The following SNX13 variants were observed in gnomAD, a reference collection of about 807,000 sequenced individuals.
SNX13 encodes the protein sorting nexin-13.
SNX13 carries 45 observed loss-of-function variants against 133.6 expected under a neutral mutation model. That is an observed-to-expected ratio of 0.34 (90% CI 0.27 to 0.43). SNX13 has a LOEUF of 0.43. SNX13 is among the 20% of genes least tolerant of loss of function. The probability of loss-of-function intolerance (pLI) is 1.00; values close to 1 mark genes in which losing one functional copy is unlikely to be tolerated. For synonymous variants in SNX13, 414 were observed against 373.9 expected (o/e 1.11, Z -1.24); for missense variants, 1,032 against 1,145.1 (o/e 0.90, Z 1.43).
chr7:17,817,066 TTAAACA>T (rs1325063072), intron 18 of SNX13, among the ~76,000 whole-genome samples: 1 of 152,178 alleles, frequency 6.6e-6, no homozygotes, highest in Non-Finnish European at 1.5e-5. Context: ...ATCAACCACA[TTAAACA>T]TAAACTCATA....
At chr7:17,857,240 G>T (rs1258957219) in intron 9 of SNX13, among the ~76,000 whole-genome samples, 1 of 152,168 alleles carries the variant, frequency 6.6e-6, no homozygotes, top group Admixed American at 6.5e-5. Context: ...TGAGGCAGTA[G>T]TAAAAGTATC....
chr7:17,863,087 C>G (rs1411098327), intron 9 of SNX13, among the ~76,000 whole-genome samples: 1 of 152,174 alleles, frequency 6.6e-6, no homozygotes, highest in Admixed American at 6.5e-5. Context: ...TGCTCTGTCA[C>G]AGCACAGGAC....
Position 17,839,813 on chromosome 7 carries a change from T to C in SNX13, c.1353A>G (p.Ser451=), listed in dbSNP as rs773619644. The change falls in exon 13 of 26, where the codon TCA becomes TCG. Residue 451 remains serine, a synonymous_variant. Transcript: ENST00000428135. Reference sequence around the variant, plus strand: ...AATCAAAATACAGCCTCACCTTTTCTGATAAATACTGTTCATAAATTCCAA... The same window carrying C: ...AATCAAAATACAGCCTCACCTTTTCCGATAAATACTGTTCATAAATTCCAA... The part of the protein sequence containing the change: ...AAVGIYEQYL[S]EKASPRVTVD... 6.3e-6 allele frequency: 10 copies of C among 1,595,650 alleles called. No individual in the cohort carries two copies. The African/African-American group carries it at 9.5e-5, about 15-fold the overall frequency.
intron 9 of SNX13, among the ~76,000 whole-genome samples, chr7:17,852,524 G>A (rs1791350214): frequency 6.6e-6 from 1 of 152,172 alleles, no homozygotes; most frequent in Non-Finnish European, 1.5e-5. Context: ...ACTTGTAAAA[G>A]TTTATTGGAG....
At chr7:17,920,905 T>C (rs1003892386) in intron 1 of SNX13, among the ~76,000 whole-genome samples, 2 of 152,128 alleles carry the variant, frequency 1.3e-5, no homozygotes, top group Admixed American at 1.3e-4. Context: ...GTATGAAGTA[T>C]AAAAGTAAAG....
chr7:17,832,922 A>T (rs1403492871), intron 15 of SNX13, among the ~76,000 whole-genome samples: 1 of 151,414 alleles, frequency 6.6e-6, no homozygotes, highest in East Asian at 1.9e-4. Flanking sequence ...TAGGAGGTGG[A>T]GGAGAGGGGA....
At chr7:17,815,056 A>C in intron 19 of SNX13, 112 bp from the exon 20 acceptor site, 1 of 1,161,632 alleles carries the variant, frequency 8.6e-7, no homozygotes. Flanking sequence ...AGTAAAAAAT[A>C]TTGATTTATA....
intron 25 of SNX13, 43 bp downstream of exon 25, chr7:17,796,780 GAAGA>G: frequency 7.1e-7 from 1 of 1,405,936 alleles, no homozygotes; most frequent in Non-Finnish European, 1.0e-6. Flanking sequence ...TAAAAACTCA[GAAGA>G]ATGACAAATT....
intron 14 of SNX13, 135 bp from the exon 15 acceptor site, chr7:17,834,319 A>G (rs1468500933): frequency 1.4e-5 from 10 of 718,792 alleles, no homozygotes; most frequent in Non-Finnish European, 2.1e-5. Context: ...CAATAAGACT[A>G]TTTCACAACT....
Position 17,826,141 on chromosome 7 carries a change from A to C in SNX13, c.1636-50T>G, listed in dbSNP as rs766341432. The C allele has an allele frequency of 1.1e-5, 14 of 1,229,928 alleles. No individual in the cohort carries two copies. The African/African-American group carries it at 2.1e-4, about 19-fold the overall frequency. 76.2% of individuals were successfully genotyped at this position (1,229,928 alleles called of 1,614,324 possible). ...AATTTTTAAAATTTTATAGGGAAAAAAAAGAGTAAAGAATTCTACATCATA... is the reference window on the plus strand; with the variant it reads ...AATTTTTAAAATTTTATAGGGAAAACAAAGAGTAAAGAATTCTACATCATA... On this transcript the variant is annotated intron_variant, in intron 16 of 25. Transcript: ENST00000428135.
chr7:17,882,806 G>A (rs1343107338), intron 5 of SNX13: 2 of 1,244,908 alleles, frequency 1.6e-6, no homozygotes, highest in South Asian at 1.4e-5. Context: ...TAATTTCAGA[G>A]CCAGAATTTA....
intron 4 of SNX13, among the ~76,000 whole-genome samples, chr7:17,890,908 C>T (rs548492529): frequency 8.0e-4 from 122 of 151,854 alleles, no homozygotes; most frequent in Middle Eastern, 3.4e-3. Context: ...ATCATCAGAT[C>T]CATTGCAGTC....
chr7:17,805,263 G>A (rs75270554), intron 20 of SNX13, among the ~76,000 whole-genome samples: 7,465 of 148,252 alleles, frequency 0.05, 346 homozygotes, highest in Non-Finnish European at 0.078. Flanking sequence ...GTGCGCGCGC[G>A]CGCATGCATG....
rs538772702 is a variant in SNX13, at chr7:17,832,297, G to C, written c.1597+1755C>G. The C allele has an allele frequency of 7.3e-5, 72 of 984,556 alleles. No individual in the cohort carries two copies. In the African/African-American group the frequency reaches 1.1e-3, roughly 15 times the overall value. 61.0% of individuals were successfully genotyped at this position (984,556 alleles called of 1,614,324 possible). On this transcript the variant is annotated intron_variant, in intron 15 of 25. Transcript: ENST00000428135. ...CTGAAGAAGACAGACTGGCTAGAAA[G>C]ATATGAATGGAAGCTAGAAATCCAT...
At position 17,814,906 on chromosome 7, in the gene SNX13, A is replaced by T. The variant is rs1786475236; in HGVS notation, c.1992T>A (p.Ala664=). 19 of 1,536,570 alleles carry T rather than the reference A, an allele frequency of 1.2e-5. No individual in the cohort carries two copies. The highest frequency in any genetic ancestry group is 1.7e-5 in the Non-Finnish European group (19 of 1,150,120). Residue 664 remains alanine (A), a synonymous_variant, in exon 20 of 26, where the codon GCT becomes GCA. Transcript: ENST00000428135. ...GGAAATCATACACATAGTGAGCTAA[A>T]GCGGGGGATGCCTTCATCATTTCAG... ...LAPEMMKASP[A]LAHYVYDFLE...
At chr7:17,805,248 TGTGCGTGC>T (rs1161018364) in intron 20 of SNX13, among the ~76,000 whole-genome samples, 18 of 89,372 alleles carry the variant, frequency 2.0e-4, no homozygotes, top group African/African-American at 6.3e-4. Flanking sequence ...TGTGTGTGTG[TGTGCGTGC>T]GCGCGCGCGC....
intron 9 of SNX13, among the ~76,000 whole-genome samples, chr7:17,856,448 G>C (rs1186794042): frequency 6.6e-6 from 1 of 152,132 alleles, no homozygotes; most frequent in Non-Finnish European, 1.5e-5. Flanking sequence ...TTACCTATTA[G>C]TAGTAACACT....
intron 18 of SNX13, among the ~76,000 whole-genome samples, chr7:17,818,047 T>C (rs1269329642): frequency 6.6e-6 from 1 of 152,034 alleles, no homozygotes; most frequent in East Asian, 1.9e-4. Context: ...AAAAGAAAAT[T>C]TGGACCCACT....
chr7:17,879,377 TTTG>T (rs1363668786), intron 5 of SNX13: 2 of 152,358 alleles, frequency 1.3e-5, no homozygotes, highest in East Asian at 3.9e-4. Flanking sequence ...GCCAACTGTG[TTTG>T]TTTTATTCAT....
Sources: gnomAD v4.1 joint callset for allele counts (sites outside exome capture counted in the v4.1 genomes callset) on GRCh38, gnomAD v4.1.1 for gene constraint, MANE v1.5 for transcripts, NCBI Gene and HGNC (gene_info 2026-07-23, HGNC 2026-07-21) for gene names.